DLG2: variants seen among roughly 807,000 people sequenced by gnomAD.
DLG2 encodes discs large MAGUK scaffold protein 2.
Under a neutral mutation model 132.5 loss-of-function variants are expected in DLG2, and 45 were observed. That is an observed-to-expected ratio of 0.34 (90% CI 0.27 to 0.44). The LOEUF is 0.44. Ranked by LOEUF, DLG2 falls within the 20% of genes least tolerant of loss-of-function variation. The pLI, the probability that DLG2 is intolerant of heterozygous loss-of-function variation, is 1.00. For missense variants in DLG2, 1,045 were observed against 1,196.9 expected, an observed-to-expected ratio of 0.87 and a Z score of 1.87; for synonymous variants, 424 against 419.6, an observed-to-expected ratio of 1.01 and a Z score of -0.13.
chr11:84,923,287 A>C, intron 6 of DLG2: 1 of 1,451,892 alleles, frequency 6.9e-7, no homozygotes, highest in Non-Finnish European at 9.1e-7. Context: ...TCTTGAAGGC[A>C]CTGAGTGAGA....
intron 4 of DLG2, among the ~76,000 whole-genome samples, chr11:85,267,884 A>G (rs575276793): frequency 1.8e-4 from 27 of 148,310 alleles, no homozygotes; most frequent in South Asian, 8.5e-4. Flanking sequence ...TGACTTTTGT[A>G]TGTGTGTGTG....
At chr11:85,061,738 G>T (rs1352052472) in intron 6 of DLG2, among the ~76,000 whole-genome samples, 3 of 151,864 alleles carry the variant, frequency 2.0e-5, no homozygotes, top group Non-Finnish European at 4.4e-5. Context: ...TATGTGTACT[G>T]TATTTTTCTC....
At chr11:85,477,735 G>A (rs1422243966) in intron 3 of DLG2, among the ~76,000 whole-genome samples, 1 of 152,118 alleles carries the variant, frequency 6.6e-6, no homozygotes, top group Admixed American at 6.6e-5. Context: ...CACTATCAGA[G>A]TGCCAAAAAA....
intron 6 of DLG2, among the ~76,000 whole-genome samples, chr11:85,079,488 T>A (rs2066971421): frequency 6.8e-6 from 1 of 146,804 alleles, no homozygotes; most frequent in Admixed American, 6.8e-5. Flanking sequence ...CTTAGAATTT[T>A]TTTTTTTTTT....
At chr11:83,646,114 G>C (rs2068078781) in intron 18 of DLG2, among the ~76,000 whole-genome samples, 1 of 152,018 alleles carries the variant, frequency 6.6e-6, no homozygotes, top group Admixed American at 6.6e-5. Flanking sequence ...AAGCTAGCTC[G>C]GTTCAGTGGA....
At chr11:84,026,162 C>T (rs369144950) in intron 11 of DLG2, among the ~76,000 whole-genome samples, 1 of 152,072 alleles carries the variant, frequency 6.6e-6, no homozygotes, top group East Asian at 1.9e-4. Context: ...AGTTGTAAGA[C>T]ATAAGGAATG....
intron 6 of DLG2, among the ~76,000 whole-genome samples, chr11:84,961,010 C>G (rs1177888239): frequency 6.6e-6 from 1 of 151,932 alleles, no homozygotes; most frequent in Non-Finnish European, 1.5e-5. Context: ...GCAATGTTTC[C>G]CCTGTTGAGA....
At chr11:84,948,610 T>A (rs1420377247) in intron 6 of DLG2, among the ~76,000 whole-genome samples, 1 of 152,224 alleles carries the variant, frequency 6.6e-6, no homozygotes, top group African/African-American at 2.4e-5. Flanking sequence ...CATACAGTAA[T>A]ATAGATTCAA....
At chr11:85,628,281 G>T (rs1410816262), upstream of DLG2, among the ~76,000 whole-genome samples, 2 of 152,224 alleles carry the variant, frequency 1.3e-5, no homozygotes, top group African/African-American at 4.8e-5. Flanking sequence ...AGGCAGGAGC[G>T]CAGTAACATT....
Position 84,854,699 on chromosome 11 carries a change from G to C in DLG2, c.357+256962C>G, listed in dbSNP as rs567005115. 2.0e-5 allele frequency among the ~76,000 whole-genome samples: 3 copies of C among 151,998 alleles called. No individual in the cohort carries two copies. In the East Asian group the frequency reaches 5.8e-4, roughly 30 times the overall value. On this transcript the variant is annotated intron_variant, in intron 6 of 27. Transcript: ENST00000376104. ...TTTATACATTCCTGTTTCCATGTCT[G>C]TCCCTGCCCAAAATGCCTTCTTCAT...
intron 5 of DLG2, among the ~76,000 whole-genome samples, chr11:85,132,416 T>TGATATGTTAA (rs1187651797): frequency 6.6e-6 from 1 of 152,104 alleles, no homozygotes; most frequent in African/African-American, 2.4e-5. Flanking sequence ...AAGACTGCCC[T>TGATATGTTAA]GATATGTTAA....
At chr11:84,599,273 C>T (rs920247692) in intron 6 of DLG2, among the ~76,000 whole-genome samples, 4 of 152,060 alleles carry the variant, frequency 2.6e-5, no homozygotes, top group Non-Finnish European at 5.9e-5. Context: ...TATGATAAAT[C>T]AGATCTCAGG....
At chr11:84,257,810 C>T (rs528785784) in intron 7 of DLG2, among the ~76,000 whole-genome samples, 33 of 151,746 alleles carry the variant, frequency 2.2e-4, no homozygotes, top group African/African-American at 7.7e-4. Flanking sequence ...TCTCAGACTC[C>T]CAAGTAGCTG....
intron 15 of DLG2, among the ~76,000 whole-genome samples, chr11:83,889,156 A>G (rs1026481520): frequency 3.3e-5 from 5 of 152,176 alleles, no homozygotes; most frequent in African/African-American, 1.2e-4. Context: ...AACTACCATC[A>G]GAGTGAACAG....
At chr11:84,819,905 C>G (rs369371039) in intron 6 of DLG2, among the ~76,000 whole-genome samples, 5 of 151,780 alleles carry the variant, frequency 3.3e-5, no homozygotes. Context: ...CCCAGCACAT[C>G]TGGAGACCTG....
intron 3 of DLG2, among the ~76,000 whole-genome samples, chr11:85,473,925 A>G (rs1030591015): frequency 1.3e-5 from 2 of 152,008 alleles, no homozygotes; most frequent in Non-Finnish European, 2.9e-5. Flanking sequence ...AGGAAAATAC[A>G]TATAGTAAAT....
intron 26 of DLG2, among the ~76,000 whole-genome samples, chr11:83,462,345 T>C (rs558471665): frequency 6.6e-6 from 1 of 152,222 alleles, no homozygotes; most frequent in Non-Finnish European, 1.5e-5. Flanking sequence ...TCCTTATGAT[T>C]TGTAGTCACT....
intron 7 of DLG2, among the ~76,000 whole-genome samples, chr11:84,507,693 T>G (rs1490917645): frequency 6.6e-6 from 1 of 152,214 alleles, no homozygotes; most frequent in African/African-American, 2.4e-5. Context: ...GGATGCTGGA[T>G]TTTATTCAAA....
At position 84,478,152 on chromosome 11, in the gene DLG2, C is replaced by T. The variant is rs936275463; in HGVS notation, c.519+56418G>A. 4.6e-5 allele frequency among the ~76,000 whole-genome samples: 7 copies of T among 152,030 alleles called. No homozygotes were observed. The East Asian group carries it at 1.4e-3, about 29-fold the overall frequency. On this transcript the variant is annotated intron_variant, in intron 7 of 27. Coordinates refer to ENST00000376104, the MANE Select transcript of DLG2 (RefSeq NM_001142699.3). ...TGCACACTGTTAACAGTGCATTGTT[C>T]ATTATTACAAATTTCTTAGGAGGCA...
Sources: gnomAD v4.1 joint callset for allele counts (sites outside exome capture counted in the v4.1 genomes callset) on GRCh38, gnomAD v4.1.1 for gene constraint, MANE v1.5 for transcripts, NCBI Gene and HGNC (gene_info 2026-07-23, HGNC 2026-07-21) for gene names.